The following CHRNA7 variants were observed in gnomAD, a reference collection of about 807,000 sequenced individuals.
CHRNA7 encodes cholinergic receptor nicotinic alpha 7 subunit.
Under a neutral mutation model 48.0 loss-of-function variants are expected in CHRNA7, and 17 were observed. That is an observed-to-expected ratio of 0.35 (90% confidence interval 0.24 to 0.53). CHRNA7 has a LOEUF of 0.53. Among genes scored for constraint, CHRNA7 ranks in the 20% least tolerant of loss-of-function variants. CHRNA7 has a pLI of 0.92. For synonymous variants in CHRNA7, 75 were observed against 242.3 expected, an observed-to-expected ratio of 0.31 and a Z score of 6.41; for missense variants, 155 against 577.7, an observed-to-expected ratio of 0.27 and a Z score of 7.50.
intron 4 of CHRNA7, among the ~76,000 whole-genome samples, chr15:32,134,316 T>A (rs2051208445): frequency 6.6e-6 from 1 of 151,986 alleles, no homozygotes. Flanking sequence ...CCACCACCAT[T>A]CCCGGCTAAT....
chr15:32,075,955 C>T (rs2050130921), intron 2 of CHRNA7, among the ~76,000 whole-genome samples: 1 of 151,946 alleles, frequency 6.6e-6, no homozygotes, highest in East Asian at 1.9e-4. Flanking sequence ...CTACAGATTA[C>T]TTAGAATGTG....
chr15:32,137,031 C>CAAAAAAAATA (rs2051276843), intron 4 of CHRNA7, among the ~76,000 whole-genome samples: 1 of 63,924 alleles, frequency 1.6e-5, no homozygotes. Context: ...GACTCCGTCT[C>CAAAAAAAATA]AAAAAAAAAA....
At chr15:32,041,598 C>G (rs949958091) in intron 2 of CHRNA7, among the ~76,000 whole-genome samples, 1 of 152,188 alleles carries the variant, frequency 6.6e-6, no homozygotes, top group African/African-American at 2.4e-5. Context: ...GTTGGGGAAC[C>G]CTGCTCTACT....
intron 2 of CHRNA7, among the ~76,000 whole-genome samples, chr15:32,048,376 A>C (rs1010270695): frequency 6.6e-6 from 1 of 152,156 alleles, no homozygotes; most frequent in African/African-American, 2.4e-5. Flanking sequence ...CAGAGATTCA[A>C]CTTCTTCCTG....
chr15:32,062,993 GGCAATTGTAAT>G (rs748236297), intron 2 of CHRNA7, among the ~76,000 whole-genome samples: 2 of 152,262 alleles, frequency 1.3e-5, no homozygotes, highest in Non-Finnish European at 2.9e-5. Flanking sequence ...GAATAGTGTA[GGCAATTGTAAT>G]GCAATTGTAA....
intron 4 of CHRNA7, among the ~76,000 whole-genome samples, chr15:32,124,573 A>G (rs1595474711): frequency 6.6e-6 from 1 of 152,264 alleles, no homozygotes; most frequent in East Asian, 1.9e-4. Context: ...AGACTGGAAG[A>G]AAATTCATAA....
intron 4 of CHRNA7, among the ~76,000 whole-genome samples, chr15:32,140,569 C>A (rs564139711): frequency 1.3e-5 from 2 of 152,294 alleles, no homozygotes; most frequent in South Asian, 4.1e-4. Flanking sequence ...TCTCCACATC[C>A]TCTCTAGCAT....
At chr15:32,094,851 G>A (rs548852146) in intron 2 of CHRNA7, among the ~76,000 whole-genome samples, 20 of 152,138 alleles carry the variant, frequency 1.3e-4, no homozygotes, top group Admixed American at 7.2e-4. Context: ...TATTAGAGAC[G>A]GGGTTTCACC....
chr15:32,152,398 G>A (rs575765179), intron 4 of CHRNA7, among the ~76,000 whole-genome samples: 132 of 152,196 alleles, frequency 8.7e-4, no homozygotes, highest in African/African-American at 3.1e-3. Context: ...AGCCGAGATC[G>A]TGCCCCTGCA....
intron 4 of CHRNA7, among the ~76,000 whole-genome samples, chr15:32,138,473 C>G (rs1196819213): frequency 6.7e-6 from 1 of 150,038 alleles, no homozygotes; most frequent in Non-Finnish European, 1.5e-5. Context: ...CCTCCCCCAT[C>G]ATCAACATCC....
chr15:32,111,579 A>G (rs1482192697), intron 3 of CHRNA7: 3 of 504,058 alleles, frequency 6.0e-6, no homozygotes, highest in African/African-American at 5.8e-5. Flanking sequence ...GTTCATGGTG[A>G]CAGCAGAACC....
intron 2 of CHRNA7, among the ~76,000 whole-genome samples, chr15:32,092,232 C>T (rs770142012): frequency 6.6e-5 from 10 of 152,278 alleles, no homozygotes; most frequent in South Asian, 6.2e-4. Flanking sequence ...CATCTAACTA[C>T]GTAATAATTT....
At chr15:32,078,504 G>C (rs7181757) in intron 2 of CHRNA7, among the ~76,000 whole-genome samples, 123,288 of 151,972 alleles carry the variant, frequency 0.81, 51,247 homozygotes, top group Non-Finnish European at 0.91. Flanking sequence ...CTCTGCCAAC[G>C]TGTATTAAAT....
At chr15:32,034,083 A>G (rs1901971326) in intron 2 of CHRNA7, among the ~76,000 whole-genome samples, 1 of 152,220 alleles carries the variant, frequency 6.6e-6, no homozygotes, top group Non-Finnish European at 1.5e-5. Context: ...AGTAAATCCA[A>G]AATTACATGT....
intron 7 of CHRNA7, chr15:32,159,030 A>G (rs534936967): frequency 4.2e-6 from 1 of 237,776 alleles, no homozygotes; most frequent in Non-Finnish European, 8.1e-6. Flanking sequence ...AAGCTAAGGA[A>G]ACCAAGATTT....
At chr15:32,106,552 C>CGGTTCCT (rs1290139023) in intron 3 of CHRNA7, among the ~76,000 whole-genome samples, 1 of 152,118 alleles carries the variant, frequency 6.6e-6, no homozygotes, top group African/African-American at 2.4e-5. Context: ...CCTCTGCAGC[C>CGGTTCCT]GGTTCCTCTG....
intron 5 of CHRNA7, chr15:32,156,465 A>G (rs2051741360): frequency 2.0e-5 from 1 of 49,714 alleles, no homozygotes; most frequent in Admixed American, 2.1e-4. Context: ...CTCTTTCTGT[A>G]ACTCAGTAAC....
intron 2 of CHRNA7, chr15:32,099,198 G>A: frequency 6.6e-6 from 1 of 152,456 alleles, no homozygotes; most frequent in Non-Finnish European, 1.5e-5. Flanking sequence ...GTGTGCATAG[G>A]GGCAGCAGGC....
At chr15:32,144,722 G>T (rs1386448705) in intron 4 of CHRNA7, among the ~76,000 whole-genome samples, 2 of 152,146 alleles carry the variant, frequency 1.3e-5, no homozygotes. Context: ...ATTGAAGCTT[G>T]TGCATGTGTC....
Sources: allele counts gnomAD v4.1 joint callset (sites outside exome capture counted in the v4.1 genomes callset), GRCh38; gene constraint gnomAD v4.1.1; transcripts MANE v1.5; gene names NCBI Gene and HGNC (gene_info 2026-07-23, HGNC 2026-07-21).